Variants in PTPRM observed in about 807,000 individuals in gnomAD.
The protein encoded by PTPRM is receptor-type tyrosine-protein phosphatase mu.
In PTPRM, 47 loss-of-function variants were observed where a neutral mutation model predicts 186.7. The ratio of observed to expected loss-of-function variants is 0.25; its 90% CI spans 0.20 to 0.32. PTPRM has a LOEUF of 0.32. PTPRM is among the 10% of genes least tolerant of loss of function. The pLI is 1.00. For synonymous variants in PTPRM, 668 were observed against 674.9 expected (o/e 0.99, Z 0.16); for missense variants, 1,494 against 1,865.0 (o/e 0.80, Z 3.66).
intron 14 of PTPRM, among the ~76,000 whole-genome samples, chr18:8,227,731 G>A (rs1226622461): frequency 6.6e-6 from 1 of 152,210 alleles, no homozygotes; most frequent in East Asian, 1.9e-4. Flanking sequence ...TTTATAGTCT[G>A]ATAGAGGATC....
At chr18:7,972,189 T>C (rs1199257546) in intron 7 of PTPRM, among the ~76,000 whole-genome samples, 5 of 129,400 alleles carry the variant, frequency 3.9e-5, no homozygotes, top group African/African-American at 1.8e-4. Flanking sequence ...GAAACCATCA[T>C]TCTCAGTAAA....
intron 2 of PTPRM, among the ~76,000 whole-genome samples, chr18:7,843,370 A>G (rs1042167221): frequency 6.6e-6 from 1 of 152,182 alleles, no homozygotes; most frequent in Admixed American, 6.5e-5. Context: ...ATTATTTTGT[A>G]TCACTATTAC....
At chr18:7,572,623 C>G (rs901695587) in intron 1 of PTPRM, among the ~76,000 whole-genome samples, 2 of 152,144 alleles carry the variant, frequency 1.3e-5, no homozygotes, top group Non-Finnish European at 2.9e-5. Context: ...TTTAGGGAAT[C>G]AGGCATTTTA....
chr18:7,590,240 A>T (rs2037089535), intron 1 of PTPRM, among the ~76,000 whole-genome samples: 1 of 152,196 alleles, frequency 6.6e-6, no homozygotes, highest in Non-Finnish European at 1.5e-5. Context: ...TTCTTCAGGA[A>T]ATATAACACT....
intron 1 of PTPRM, among the ~76,000 whole-genome samples, chr18:7,667,434 T>C (rs553934554): frequency 6.6e-6 from 1 of 152,326 alleles, no homozygotes; most frequent in Non-Finnish European, 1.5e-5. Context: ...CCCAAAGCAC[T>C]AACACAGAAT....
intron 7 of PTPRM, among the ~76,000 whole-genome samples, chr18:7,974,082 G>A (rs2054767339): frequency 6.6e-6 from 1 of 152,138 alleles, no homozygotes; most frequent in African/African-American, 2.4e-5. Context: ...TTTGCATTTT[G>A]CTTGACGTGG....
intron 22 of PTPRM, among the ~76,000 whole-genome samples, chr18:8,331,704 G>C (rs528659505): frequency 6.6e-6 from 1 of 152,298 alleles, no homozygotes; most frequent in South Asian, 2.1e-4. Flanking sequence ...CTTCCAGAAG[G>C]ATGTATCAAA....
intron 13 of PTPRM, among the ~76,000 whole-genome samples, chr18:8,124,592 G>A (rs1439219932): frequency 6.6e-6 from 1 of 152,176 alleles, no homozygotes; most frequent in African/African-American, 2.4e-5. Flanking sequence ...TCAGATGAGT[G>A]AAAAATTGGT....
At chr18:7,809,659 G>A (rs1410949499) in intron 2 of PTPRM, among the ~76,000 whole-genome samples, 1 of 152,104 alleles carries the variant, frequency 6.6e-6, no homozygotes, top group East Asian at 1.9e-4. Flanking sequence ...TCCTTTCTCT[G>A]CATTTCCTAC....
intron 2 of PTPRM, among the ~76,000 whole-genome samples, chr18:7,873,043 T>C (rs192509972): frequency 6.6e-6 from 1 of 152,304 alleles, no homozygotes; most frequent in Non-Finnish European, 1.5e-5. Context: ...ATGTTGGTAG[T>C]TTTTAAATGA....
intron 2 of PTPRM, among the ~76,000 whole-genome samples, chr18:7,875,342 G>A (rs1272557560): frequency 2.7e-5 from 3 of 112,466 alleles, no homozygotes; most frequent in African/African-American, 1.1e-4. Flanking sequence ...TTTTTTTTTT[G>A]AGAAGGAGTC....
At chr18:8,335,512 G>A (rs2095434229) in intron 22 of PTPRM, among the ~76,000 whole-genome samples, 1 of 152,208 alleles carries the variant, frequency 6.6e-6, no homozygotes, top group African/African-American at 2.4e-5. Flanking sequence ...GTTTATGTAA[G>A]TGTATTTGTT....
intron 7 of PTPRM, among the ~76,000 whole-genome samples, chr18:8,045,486 A>G (rs2148207683): frequency 6.6e-6 from 1 of 152,358 alleles, no homozygotes; most frequent in Non-Finnish European, 1.5e-5. Context: ...GCCTGGCAAT[A>G]AAGAGGAGTG....
intron 2 of PTPRM, among the ~76,000 whole-genome samples, chr18:7,855,870 G>A (rs6506538): frequency 0.64 from 97,185 of 152,030 alleles, 31,477 homozygotes; most frequent in East Asian, 0.96. Context: ...GATGTTTGAC[G>A]TTGTCAGGAA....
At chr18:7,644,637 T>C (rs900464215) in intron 1 of PTPRM, among the ~76,000 whole-genome samples, 3 of 151,946 alleles carry the variant, frequency 2.0e-5, no homozygotes, top group African/African-American at 7.2e-5. Context: ...TTGGAAAGAC[T>C]AAAAGTGAGC....
chr18:8,383,540 C>G (rs2148526770), intron 29 of PTPRM, among the ~76,000 whole-genome samples: 1 of 152,182 alleles, frequency 6.6e-6, no homozygotes, highest in South Asian at 2.1e-4. Flanking sequence ...CCATGCCCAG[C>G]ACCACTCCTA....
At chr18:7,857,045 C>T (rs72893380) in intron 2 of PTPRM, among the ~76,000 whole-genome samples, 9,472 of 152,272 alleles carry the variant, frequency 0.062, 374 homozygotes, top group East Asian at 0.11. Flanking sequence ...ATTTCCCTAT[C>T]ATTGCTCAAT....
intron 1 of PTPRM, among the ~76,000 whole-genome samples, chr18:7,737,254 C>T (rs543989617): frequency 1.6e-4 from 24 of 152,194 alleles, no homozygotes; most frequent in Non-Finnish European, 3.1e-4. Flanking sequence ...CGCCACCACG[C>T]CCATCTAATT....
chr18:8,139,324 C>T (rs905074302), intron 13 of PTPRM, among the ~76,000 whole-genome samples: 2 of 152,318 alleles, frequency 1.3e-5, no homozygotes, highest in African/African-American at 2.4e-5. Flanking sequence ...ACTGTCACAG[C>T]GTGTCTCAAG....
Sources: allele counts gnomAD v4.1 joint callset (sites outside exome capture counted in the v4.1 genomes callset), GRCh38; gene constraint gnomAD v4.1.1; transcripts MANE v1.5; gene names NCBI Gene and HGNC (gene_info 2026-07-23, HGNC 2026-07-21).